The following PCSK5 variants were observed in gnomAD, a reference collection of about 807,000 sequenced individuals.
The protein encoded by PCSK5 is prohormone convertase 5.
Under a neutral mutation model 233.2 loss-of-function variants are expected in PCSK5, and 129 were observed. The observed-to-expected ratio is 0.55, with a 90% CI of 0.48 to 0.64. PCSK5 has a LOEUF of 0.64. PCSK5 is among the 30% of genes least tolerant of loss of function. The probability of loss-of-function intolerance (pLI) is 0.00; values close to 1 mark genes in which losing one functional copy is unlikely to be tolerated. For missense variants in PCSK5, 2,076 were observed against 2,430.1 expected (o/e 0.85, Z 3.06); for synonymous variants, 825 against 879.2 (o/e 0.94, Z 1.09).
chr9:76,267,228 C>T (rs1223364787), intron 24 of PCSK5, among the ~76,000 whole-genome samples: 1 of 152,090 alleles, frequency 6.6e-6, no homozygotes, highest in Non-Finnish European at 1.5e-5. Flanking sequence ...GTTCCCATGC[C>T]AGAGAGAAGG....
chr9:76,293,138 C>T (rs977424707), intron 25 of PCSK5, among the ~76,000 whole-genome samples: 2 of 148,824 alleles, frequency 1.3e-5, no homozygotes, highest in Admixed American at 6.7e-5. Context: ...GGGTCACCTC[C>T]TCTTGTCACA....
At chr9:76,228,118 C>T (rs1363332042) in intron 21 of PCSK5, among the ~76,000 whole-genome samples, 2 of 151,866 alleles carry the variant, frequency 1.3e-5, no homozygotes, top group Non-Finnish European at 2.9e-5. Context: ...TATAGGCGCC[C>T]ACCACCACGC....
At chr9:76,143,710 C>A (rs1030540762) in intron 10 of PCSK5, among the ~76,000 whole-genome samples, 33 of 148,938 alleles carry the variant, frequency 2.2e-4, no homozygotes, top group Admixed American at 1.4e-3. Context: ...GATATATAAT[C>A]ATCTTTGCTA....
At chr9:76,185,186 T>C (rs771277950) in intron 17 of PCSK5, among the ~76,000 whole-genome samples, 1 of 150,038 alleles carries the variant, frequency 6.7e-6, no homozygotes, top group Middle Eastern at 3.4e-3. Flanking sequence ...AATCATTCTC[T>C]TATCTTAAGT....
In PCSK5 at chr9:76,233,463, T is replaced by G; in HGVS notation, c.2733T>G (p.Ile911Met). 1.9e-6 allele frequency: 3 copies of G among 1,612,722 alleles called. No individual in the cohort carries two copies. The highest frequency in any genetic ancestry group is 2.5e-6 in the Non-Finnish European group (3 of 1,179,814). Residue 911 changes from isoleucine (I) to methionine (M), a missense_variant, in exon 22 of 38, where the codon ATT becomes ATG. Ile to Met is a conservative substitution (Grantham distance 10, BLOSUM62 1). Around this residue, in one of 6 missense-constraint regions of PCSK5, gnomAD observed 1,510 missense variants for 1,538.1 expected, o/e 0.98. Coordinates refer to ENST00000674117, the MANE Select transcript of PCSK5 (RefSeq NM_001372043.1). ...TAAAAGTCTGCTTTTCCTCTAGGAT[T>G]TTTGATGATGGCCGCTGTGTTTCGA... ...EDCTTCPMTR[I>M]FDDGRCVSNC...
chr9:76,042,190 T>A (rs942393844), intron 5 of PCSK5, among the ~76,000 whole-genome samples: 13 of 152,216 alleles, frequency 8.5e-5, no homozygotes, highest in Admixed American at 2.0e-4. Context: ...AAAAACACCA[T>A]GAAATGCAAA....
intron 24 of PCSK5, among the ~76,000 whole-genome samples, chr9:76,250,361 A>G (rs1826763331): frequency 6.6e-6 from 1 of 152,236 alleles, no homozygotes; most frequent in Non-Finnish European, 1.5e-5. Context: ...CTTTTATCCA[A>G]GAGCACAGTA....
intron 9 of PCSK5, among the ~76,000 whole-genome samples, chr9:76,116,155 C>T (rs1832415473): frequency 6.6e-6 from 1 of 151,924 alleles, no homozygotes; most frequent in Admixed American, 6.6e-5. Flanking sequence ...ATTTTACTAA[C>T]ATGTAAGATT....
At chr9:76,288,285 C>G (rs1036067569) in intron 24 of PCSK5, among the ~76,000 whole-genome samples, 5 of 152,202 alleles carry the variant, frequency 3.3e-5, no homozygotes, top group Non-Finnish European at 1.5e-5. Context: ...TTCCTGGTCT[C>G]TCCAAGGACT....
At chr9:75,975,632 A>G (rs894519822) in intron 2 of PCSK5, among the ~76,000 whole-genome samples, 4 of 152,192 alleles carry the variant, frequency 2.6e-5, no homozygotes, top group Non-Finnish European at 4.4e-5. Flanking sequence ...GAATATCTGA[A>G]ATGATTTAGG....
At chr9:76,162,581 C>T (rs964654942) in intron 12 of PCSK5, among the ~76,000 whole-genome samples, 6 of 152,014 alleles carry the variant, frequency 3.9e-5, no homozygotes, top group African/African-American at 1.4e-4. Context: ...AAGGAATTTG[C>T]CAGAGATGAT....
chr9:76,267,040 T>C (rs1010646500), intron 24 of PCSK5, among the ~76,000 whole-genome samples: 10 of 152,162 alleles, frequency 6.6e-5, no homozygotes, highest in Admixed American at 5.9e-4. Context: ...AAATAGCTTA[T>C]CACCTGCCAA....
At chr9:76,244,349 A>C (rs1908496) in intron 24 of PCSK5, among the ~76,000 whole-genome samples, 61,863 of 152,030 alleles carry the variant, frequency 0.41, 12,893 homozygotes, top group Middle Eastern at 0.45. Flanking sequence ...AACTTGAAAA[A>C]TTTGAATAAT....
chr9:76,282,320 T>TTTTC (rs1314205418), intron 24 of PCSK5, among the ~76,000 whole-genome samples: 1 of 148,584 alleles, frequency 6.7e-6, no homozygotes, highest in Non-Finnish European at 1.5e-5. Context: ...CTTTCTTTCT[T>TTTTC]TTTCTTTCTT....
chr9:76,116,361 G>C (rs1832423872), intron 9 of PCSK5, among the ~76,000 whole-genome samples: 1 of 152,010 alleles, frequency 6.6e-6, no homozygotes, highest in Non-Finnish European at 1.5e-5. Flanking sequence ...TCATAATTCT[G>C]AACCTTATTG....
intron 34 of PCSK5, among the ~76,000 whole-genome samples, chr9:76,337,274 A>G (rs1212956501): frequency 6.6e-6 from 1 of 151,220 alleles, no homozygotes; most frequent in Non-Finnish European, 1.5e-5. Context: ...AACAATTCTC[A>G]TGCCTCAGCC....
chr9:75,971,072 C>A (rs1825797631), intron 2 of PCSK5, among the ~76,000 whole-genome samples: 1 of 152,018 alleles, frequency 6.6e-6, no homozygotes, highest in Admixed American at 6.5e-5. Flanking sequence ...TCCTGATGCT[C>A]TCCCTTCTGC....
In PCSK5 at chr9:75,891,076, G is replaced by A; in HGVS notation, c.-106G>A. The A allele has an allele frequency of 9.4e-7, 1 of 1,069,506 alleles. No homozygotes were observed. Among genetic ancestry groups the A allele is most frequent in the Non-Finnish European group, 1.2e-6 (1 of 811,712 alleles). The allele number at this position is 1,069,506 out of a possible 1,614,324, so 66.3% of individuals were successfully genotyped here. On this transcript the variant is annotated 5_prime_UTR_variant, in exon 1 of 38. Coordinates refer to ENST00000674117, the MANE Select transcript of PCSK5 (RefSeq NM_001372043.1). ...ATCGCCCGGGGCTGCGAGCTGCGGC[G>A]GCCCGGGGCTGCTCGCCGGGCGGCG...
chr9:76,120,709 G>A (rs1201816485), intron 9 of PCSK5, among the ~76,000 whole-genome samples: 1 of 151,138 alleles, frequency 6.6e-6, no homozygotes, highest in East Asian at 1.9e-4. Flanking sequence ...TATATTCATA[G>A]CATCTGATGA....
Sources: gnomAD v4.1 joint callset for allele counts (sites outside exome capture counted in the v4.1 genomes callset) on GRCh38, gnomAD v4.1.1 for gene constraint, gnomAD v4.1.1 regional missense constraint, MANE v1.5 for transcripts, NCBI Gene and HGNC (gene_info 2026-07-23, HGNC 2026-07-21) for gene names.